The following ARL10 variants were observed in gnomAD, a reference collection of about 807,000 sequenced individuals.
The protein encoded by ARL10 is ADP-ribosylation factor-like protein 10.
A neutral mutation model predicts 26.1 loss-of-function variants in ARL10; 23 were observed. The observed-to-expected ratio is 0.88, with a 90% CI of 0.63 to 1.25. ARL10 has a LOEUF of 1.25. Among genes scored for constraint, ARL10 ranks in the 50% most tolerant of loss-of-function variants. ARL10 has a pLI of 0.00. For synonymous variants in ARL10, 138 were observed against 149.1 expected (o/e 0.93, Z 0.54); for missense variants, 300 against 323.6 (o/e 0.93, Z 0.56).
At chr5:176,406,237 C>G (rs973165154), downstream of ARL10, 17 of 1,016,400 alleles carry the variant, frequency 1.7e-5, no homozygotes, top group South Asian at 3.4e-4. Flanking sequence ...GAGCAATGTT[C>G]TGACTCCTCC....
At chr5:176,366,325 G>A in intron 1 of ARL10, 55 bp from the exon 2 acceptor site, 1 of 1,542,872 alleles carries the variant, frequency 6.5e-7, no homozygotes, top group South Asian at 1.2e-5. Flanking sequence ...GTCTTCCCTC[G>A]GGAAAGGTCC....
chr5:176,365,944 T>G (rs1473456898), intron 1 of ARL10, among the ~76,000 whole-genome samples, 198 bp downstream of exon 1: 1 of 152,052 alleles, frequency 6.6e-6, no homozygotes. Context: ...TGGGTGTGCT[T>G]GGGTGCGTGC....
the ARL10 span, among the ~76,000 whole-genome samples, chr5:176,408,491 G>A: frequency 4.0e-5 from 6 of 151,450 alleles, no homozygotes; most frequent in South Asian, 8.4e-4. Flanking sequence ...AGCCGAGATC[G>A]TGCCATTGCA....
chr5:176,389,645 C>T (rs1435036415), downstream of ARL10: 3 of 826,672 alleles, frequency 3.6e-6, no homozygotes, highest in East Asian at 8.7e-5. Context: ...TAACTGTAAC[C>T]GAAAGTTTTT....
At chr5:176,371,318 G>C (rs1768531811) in intron 3 of ARL10, among the ~76,000 whole-genome samples, 1 of 152,252 alleles carries the variant, frequency 6.6e-6, no homozygotes, top group South Asian at 2.1e-4. Context: ...AGGAGGTGGA[G>C]GTTGCAGTGA....
downstream of ARL10, chr5:176,406,794 TC>T: frequency 9.3e-7 from 1 of 1,070,122 alleles, no homozygotes. Context: ...AGGTTTCTCC[TC>T]CCCCTGCAGG....
downstream of ARL10, among the ~76,000 whole-genome samples, chr5:176,390,297 T>C (rs573163345): frequency 4.6e-5 from 7 of 152,154 alleles, no homozygotes; most frequent in South Asian, 1.5e-3. Context: ...TTTCAGACTT[T>C]CAGTAGGACA....
downstream of ARL10, chr5:176,386,094 CCTGT>C (rs1755824529): frequency 6.5e-6 from 1 of 152,674 alleles, no homozygotes. Context: ...GTTTTAGGGA[CCTGT>C]TGCACAACAA....
At chr5:176,403,678 T>C (rs1314366074), downstream of ARL10, among the ~76,000 whole-genome samples, 1 of 150,048 alleles carries the variant, frequency 6.7e-6, no homozygotes, top group Non-Finnish European at 1.5e-5. Context: ...GGTCTTGAAC[T>C]CCTGACCTTG....
chr5:176,370,590 G>A (rs1255696303), intron 3 of ARL10, among the ~76,000 whole-genome samples: 4 of 152,214 alleles, frequency 2.6e-5, no homozygotes, highest in East Asian at 3.9e-4. Context: ...CCCCATTTAC[G>A]ACTCTTGTTC....
At position 176,368,644 on chromosome 5, in the gene ARL10, A is replaced by C. The variant is rs956875930; in HGVS notation, c.386-163A>C. Among the ~76,000 whole-genome samples the C allele has an allele frequency of 6.6e-6, 1 of 150,674 alleles. No homozygotes were observed. The highest frequency in any genetic ancestry group is 2.4e-5 in the African/African-American group (1 of 40,924). On this transcript the variant is annotated intron_variant, in intron 2 of 3. Transcript: ENST00000310389. The surrounding 1 kb of genome is among the most constrained non-coding windows in gnomAD (Gnocchi z 4.1). ...CCTTGCCCCCGGCTGGTGGAAGCTCACTAAGCTAGAAGCAGGGTGGGGTGG... is the reference window on the plus strand; with the variant it reads ...CCTTGCCCCCGGCTGGTGGAAGCTCCCTAAGCTAGAAGCAGGGTGGGGTGG...
At chr5:176,396,672 A>G (rs973271567) in intron 1 of ARL10, 3 of 721,986 alleles carry the variant, frequency 4.2e-6, no homozygotes, top group South Asian at 1.5e-5. Context: ...ATAGTTCTGG[A>G]AGGCTCAGCA....
At chr5:176,397,816 G>A (rs113912281) in intron 1 of ARL10, 17,688 of 1,480,318 alleles carry the variant, frequency 0.012, 224 homozygotes, top group Middle Eastern at 0.065. Context: ...CCACAGGGCC[G>A]CACCGGCCCA....
At chr5:176,387,124 C>T (rs932941282) in intron 1 of ARL10, among the ~76,000 whole-genome samples, 20 of 151,610 alleles carry the variant, frequency 1.3e-4, no homozygotes, top group African/African-American at 4.6e-4. Flanking sequence ...CATTCTGTTG[C>T]CCAGGTTCAA....
At chr5:176,397,082 G>A (rs1157645221) in intron 1 of ARL10, among the ~76,000 whole-genome samples, 3 of 152,084 alleles carry the variant, frequency 2.0e-5, no homozygotes, top group Non-Finnish European at 2.9e-5. Flanking sequence ...GAGCTTAGTT[G>A]AACATGTGTG....
chr5:176,366,644 A>G lies in ARL10; in HGVS notation c.385+63A>G, dbSNP rs551368690. ...ACTGGACCAGTCCTGGATTCTCTGC[A>G]GGGAAGGGGGCTTCCAAAATGCATG... On this transcript the variant is annotated intron_variant, in intron 2 of 3. Coordinates refer to ENST00000310389, the MANE Select transcript of ARL10 (RefSeq NM_173664.6). 3.3e-5 allele frequency: 52 copies of G among 1,574,616 alleles called. 1 individual carries two copies. In the East Asian group the frequency reaches 9.2e-4, roughly 28 times the overall value.
At position 176,375,287 on chromosome 5, in the gene ARL10, C is replaced by CCCATCCACCCAT. The variant is rs1768665544; in HGVS notation, c.*3399_*3400insCCCATCCATCCA. 2.2e-5 allele frequency: 1 copy of CCCATCCACCCAT among 45,884 alleles called. No homozygotes were observed. Among genetic ancestry groups the CCCATCCACCCAT allele is most frequent in the East Asian group, 5.7e-4 (1 of 1,746 alleles). 2.8% of individuals were successfully genotyped at this position (45,884 alleles called of 1,614,324 possible). ...ACCCATCCACCCATCCATCCATCCA[C>CCCATCCACCCAT]CCATCCATCCATCCATCCATCCATC... On this transcript the variant is annotated 3_prime_UTR_variant, in exon 4 of 4. Transcript: ENST00000310389.
downstream of ARL10, chr5:176,389,241 G>A: frequency 6.9e-7 from 1 of 1,453,574 alleles, no homozygotes; most frequent in Non-Finnish European, 9.4e-7. Flanking sequence ...GTGATCCAGA[G>A]ATCTTGGCTT....
At chr5:176,413,670 G>A in the ARL10 span, among the ~76,000 whole-genome samples, 3 of 152,194 alleles carry the variant, frequency 2.0e-5, no homozygotes, top group South Asian at 2.1e-4. Context: ...AGGCCAGGGC[G>A]CTTTTTCTCT....
Sources: allele counts gnomAD v4.1 joint callset (sites outside exome capture counted in the v4.1 genomes callset), GRCh38; gene constraint gnomAD v4.1.1; non-coding constraint Gnocchi (gnomAD v3.1); transcripts MANE v1.5; gene names NCBI Gene and HGNC (gene_info 2026-07-23, HGNC 2026-07-21).